The following INTS6 variants were observed in gnomAD, a reference collection of about 807,000 sequenced individuals.
The protein encoded by INTS6 is integrator complex subunit 6.
Under a neutral mutation model 104.9 loss-of-function variants are expected in INTS6, and 16 were observed. That is an observed-to-expected ratio of 0.15 (90% CI 0.10 to 0.23). INTS6 has a LOEUF of 0.23. INTS6 is among the 10% of genes least tolerant of loss of function. INTS6 has a pLI of 1.00. For synonymous variants in INTS6, 324 were observed against 358.7 expected, an observed-to-expected ratio of 0.90 and a Z score of 1.09; for missense variants, 584 against 1,062.8, an observed-to-expected ratio of 0.55 and a Z score of 6.26.
chr13:51,441,545 A>G (rs1370443326), intron 3 of INTS6: 1 of 152,184 alleles, frequency 6.6e-6, no homozygotes, highest in Admixed American at 6.5e-5. Flanking sequence ...ACCTTAAGTT[A>G]AATGAAAATA....
the INTS6 span, chr13:51,347,037 G>C: frequency 1.3e-6 from 2 of 1,582,726 alleles, no homozygotes; most frequent in African/African-American, 1.3e-5. Context: ...GGGGGCCCCA[G>C]TGAGGGCCCT....
chr13:51,448,698 T>A (rs1952973533), intron 3 of INTS6: 1 of 152,208 alleles, frequency 6.6e-6, no homozygotes, highest in South Asian at 2.1e-4. Flanking sequence ...CCCAGACATT[T>A]AAGAAAGTAA....
At chr13:51,375,705 CTTATT>C (rs1279506402) in intron 13 of INTS6, among the ~76,000 whole-genome samples, 2 of 151,384 alleles carry the variant, frequency 1.3e-5, no homozygotes, top group African/African-American at 4.9e-5. Flanking sequence ...AGAAAAATCA[CTTATT>C]TTAAGTATAC....
intron 14 of INTS6, 45 bp downstream of exon 14, chr13:51,374,609 G>T (rs1235115467): frequency 1.2e-6 from 2 of 1,602,958 alleles, no homozygotes; most frequent in Non-Finnish European, 1.7e-6. Context: ...AAAACTGACA[G>T]TGCCTACCAT....
At chr13:51,450,025 A>AT (rs747963092) in intron 3 of INTS6, 20 of 985,314 alleles carry the variant, frequency 2.0e-5, no homozygotes, top group Non-Finnish European at 2.4e-5. Context: ...AAACAAGTCA[A>AT]TTTCCTTCAA....
chr13:51,343,123 C>A, the INTS6 span, among the ~76,000 whole-genome samples: 6 of 152,170 alleles, frequency 3.9e-5, no homozygotes, highest in African/African-American at 1.4e-4. Context: ...TTGGCTTCTG[C>A]AACATGAAGG....
intron 3 of INTS6, chr13:51,450,535 C>T (rs1953017479): frequency 1.0e-6 from 1 of 985,320 alleles, no homozygotes; most frequent in Non-Finnish European, 1.2e-6. Context: ...ATGTTCTCAG[C>T]CAGTGACTGT....
intron 4 of INTS6, among the ~76,000 whole-genome samples, chr13:51,412,601 G>A (rs965959657): frequency 1.3e-5 from 2 of 152,094 alleles, no homozygotes; most frequent in Non-Finnish European, 2.9e-5. Context: ...GGTAATTCTT[G>A]GGAGAATAAC....
At chr13:51,342,028 G>A in the INTS6 span, among the ~76,000 whole-genome samples, 2 of 152,048 alleles carry the variant, frequency 1.3e-5, no homozygotes, top group African/African-American at 4.8e-5. Flanking sequence ...TCTTTCGAAT[G>A]CCAGGTCAGC....
chr13:51,400,970 A>G (rs1956427154), intron 4 of INTS6, among the ~76,000 whole-genome samples: 1 of 152,234 alleles, frequency 6.6e-6, no homozygotes. Context: ...TATCCAAAGT[A>G]CTGAAACATA....
At chr13:51,347,580 A>G in the INTS6 span, among the ~76,000 whole-genome samples, 1 of 152,346 alleles carries the variant, frequency 6.6e-6, no homozygotes, top group East Asian at 1.9e-4. Context: ...GATCGGGTAC[A>G]GTAGTACCCT....
rs142756024 is a variant in INTS6, at chr13:51,411,258, C to T, written c.430-15775G>A. Among the ~76,000 whole-genome samples the T allele has an allele frequency of 3.3e-3, 433 of 132,034 alleles. 2 individuals carry two copies. Among genetic ancestry groups the T allele is most frequent in the Non-Finnish European group, 5.7e-3 (331 of 57,608 alleles). The allele number at this position is 132,034 out of a possible 152,430, so 86.6% of individuals were successfully genotyped here. ...ATAAATAAATAAATAAATAAATAAG[C>T]AAGCAAGCACATGGGCCAGGTGCAG... On this transcript the variant is annotated intron_variant, in intron 4 of 17. Coordinates refer to ENST00000311234, the MANE Select transcript of INTS6 (RefSeq NM_012141.3).
chr13:51,346,678 G>A, the INTS6 span, among the ~76,000 whole-genome samples: 5 of 151,894 alleles, frequency 3.3e-5, no homozygotes, highest in Non-Finnish European at 5.9e-5. Context: ...TGTCATTGTC[G>A]CCCCCATACC....
In INTS6 at chr13:51,383,527, A is replaced by G. The variant is rs1259398594; in HGVS notation, c.1047+62T>C. On this transcript the variant is annotated intron_variant, in intron 8 of 17. Coordinates refer to ENST00000311234, the MANE Select transcript of INTS6 (RefSeq NM_012141.3). ...GAATGTTACATAAACCATTGATTCA[A>G]TTCAGCTTTTTAAGAAATGCCTCAT... The G allele has an allele frequency of 1.0e-5, 16 of 1,604,248 alleles. No individual in the cohort carries two copies. In the Middle Eastern group the frequency reaches 8.3e-4, roughly 83 times the overall value.
chr13:51,419,213 C>T (rs1383674205), intron 4 of INTS6, among the ~76,000 whole-genome samples: 11 of 152,170 alleles, frequency 7.2e-5, no homozygotes, highest in Admixed American at 5.9e-4. Context: ...GCCAAAAAAA[C>T]CTGCTCTTTG....
At chr13:51,411,001 C>T (rs1566232887) in intron 4 of INTS6, among the ~76,000 whole-genome samples, 1 of 151,854 alleles carries the variant, frequency 6.6e-6, no homozygotes, top group Non-Finnish European at 1.5e-5. Flanking sequence ...CACCTGAGGT[C>T]AGGAGTTTGA....
At chr13:51,451,915 G>A in intron 2 of INTS6, 63 bp downstream of exon 2, 1 of 1,170,372 alleles carries the variant, frequency 8.5e-7, no homozygotes, top group Non-Finnish European at 1.2e-6. Flanking sequence ...GGGGGGCGGG[G>A]AGGGCGAGCG....
At chr13:51,347,221 C>T in the INTS6 span, 19 of 1,613,618 alleles carry the variant, frequency 1.2e-5, no homozygotes, top group African/African-American at 2.7e-5. Flanking sequence ...ACCAAACGAC[C>T]GAGGTCAACT....
At chr13:51,388,368 GT>G (rs1204297924) in intron 6 of INTS6, among the ~76,000 whole-genome samples, 3 of 148,492 alleles carry the variant, frequency 2.0e-5, no homozygotes, top group East Asian at 4.2e-4. Flanking sequence ...GTGTGTGTGT[GT>G]TTTGTTTTTT....
Sources: allele counts gnomAD v4.1 joint callset (sites outside exome capture counted in the v4.1 genomes callset), GRCh38; gene constraint gnomAD v4.1.1; transcripts MANE v1.5; gene names NCBI Gene and HGNC (gene_info 2026-07-23, HGNC 2026-07-21).